Variants in ENOX2 observed in about 807,000 individuals in gnomAD.
The protein encoded by ENOX2 is ecto-NOX disulfide-thiol exchanger 2, also known as APK1 antigen.
In ENOX2, 36 loss-of-function variants were observed where a neutral mutation model predicts 45.0. The observed-to-expected ratio is 0.80, with a 90% CI of 0.61 to 1.06. ENOX2 has a LOEUF of 1.06. Ranked by LOEUF, ENOX2 falls within the 50% of genes least tolerant of loss-of-function variation. The pLI is 0.00. For synonymous variants in ENOX2, 174 were observed against 152.3 expected (o/e 1.14, Z -1.05); for missense variants, 423 against 462.5 (o/e 0.91, Z 0.78).
rs184974547 is a variant in ENOX2, at chrX:130,659,819, G to A, written c.1015-3124C>T. On this transcript the variant is annotated intron_variant, in intron 9 of 14. Transcript: ENST00000394363. ...TGTTCCTTCTAGGGAAATGTCCCAG[G>A]GCAGGAATATCTGAGAGCTAAGACA... 5.4e-4 allele frequency among the ~76,000 whole-genome samples: 61 copies of A among 111,949 alleles called. No individual in the cohort carries two copies. In the East Asian group the frequency reaches 0.016, roughly 29 times the overall value.
At chrX:130,695,771 T>G (rs1278069392) in intron 4 of ENOX2, among the ~76,000 whole-genome samples, 1 of 112,128 alleles carries the variant, frequency 8.9e-6, no homozygotes, top group Non-Finnish European at 1.9e-5. Context: ...GCCTGTGTAC[T>G]GGGAAATTTT....
intron 4 of ENOX2, among the ~76,000 whole-genome samples, chrX:130,702,111 A>G (rs1218334950): frequency 3.6e-5 from 4 of 111,772 alleles, no homozygotes; most frequent in Non-Finnish European, 7.5e-5. Flanking sequence ...ATTATAACTT[A>G]TAAGGATTTA....
At chrX:130,901,030 T>A (rs1374442342) in intron 2 of ENOX2, among the ~76,000 whole-genome samples, 2 of 112,688 alleles carry the variant, frequency 1.8e-5, no homozygotes, top group Non-Finnish European at 3.7e-5. Flanking sequence ...ATAAAGAGAA[T>A]CATCTAATTC....
At chrX:130,745,832 T>C (rs1254143512) in intron 3 of ENOX2, among the ~76,000 whole-genome samples, 1 of 112,156 alleles carries the variant, frequency 8.9e-6, no homozygotes, top group African/African-American at 3.2e-5. Context: ...GATAGTCGTC[T>C]TTTTGATGAA....
chrX:130,731,794 A>T (rs1346160016), intron 3 of ENOX2, among the ~76,000 whole-genome samples: 2 of 112,117 alleles, frequency 1.8e-5, no homozygotes, highest in Non-Finnish European at 3.8e-5. Flanking sequence ...ATCTGATAAA[A>T]TTCAACACCC....
At chrX:130,663,473 A>G (rs10126329) in intron 9 of ENOX2, among the ~76,000 whole-genome samples, 5,731 of 105,064 alleles carry the variant, frequency 0.055, 402 homozygotes, top group African/African-American at 0.19. Context: ...GGAAGTTGCA[A>G]TGAGCTGAGA....
intron 2 of ENOX2, among the ~76,000 whole-genome samples, chrX:130,802,601 G>A (rs2077236783): frequency 9.0e-6 from 1 of 111,719 alleles, no homozygotes; most frequent in South Asian, 3.8e-4. Flanking sequence ...ACGCTAAAGT[G>A]ACTTGTTTAA....
At chrX:130,630,964 A>AAAACAAAC (rs76578446) in intron 13 of ENOX2, among the ~76,000 whole-genome samples, 7,583 of 99,824 alleles carry the variant, frequency 0.076, 299 homozygotes, top group African/African-American at 0.13. Flanking sequence ...TCTGGAGGTT[A>AAAACAAAC]AAACAAACAA....
chrX:130,697,765 T>A (rs1233030822), intron 4 of ENOX2, among the ~76,000 whole-genome samples: 1 of 112,180 alleles, frequency 8.9e-6, no homozygotes, highest in African/African-American at 3.2e-5. Context: ...ATAGTTTCCA[T>A]GGGGAGTCTT....
chrX:130,628,131 T>C (rs1352625343), intron 13 of ENOX2, 88 bp from the exon 14 acceptor site: 1 of 597,713 alleles, frequency 1.7e-6, no homozygotes, highest in Admixed American at 2.3e-5. Flanking sequence ...CTGACTCATA[T>C]GTACAACAGA....
chrX:130,884,202 T>C (rs945732868), intron 2 of ENOX2, among the ~76,000 whole-genome samples: 1 of 112,376 alleles, frequency 8.9e-6, no homozygotes, highest in Non-Finnish European at 1.9e-5. Flanking sequence ...CATCCTCCTT[T>C]CTTTTTTGCC....
chrX:130,873,882 G>A (rs1170572302), intron 2 of ENOX2, among the ~76,000 whole-genome samples: 2 of 108,317 alleles, frequency 1.8e-5, no homozygotes, highest in African/African-American at 3.4e-5. Flanking sequence ...CATCACACAC[G>A]GGGGCCTGTC....
intron 2 of ENOX2, among the ~76,000 whole-genome samples, chrX:130,799,154 A>G (rs1479762701): frequency 9.0e-6 from 1 of 111,622 alleles, no homozygotes; most frequent in Non-Finnish European, 1.9e-5. Context: ...ATCAGCTGCT[A>G]GTGCACCTAG....
intron 9 of ENOX2, among the ~76,000 whole-genome samples, chrX:130,657,047 T>C (rs1184666689): frequency 2.7e-5 from 3 of 111,770 alleles, no homozygotes; most frequent in African/African-American, 9.8e-5. Flanking sequence ...CCTCCCCACG[T>C]TGGACCCTTT....
At chrX:130,672,518 C>A in intron 6 of ENOX2, among the ~76,000 whole-genome samples, 1 of 112,786 alleles carries the variant, frequency 8.9e-6, no homozygotes. Flanking sequence ...GCCCAAGCAG[C>A]CGGCACCCCC....
chrX:130,750,377 T>A (rs780509009), intron 3 of ENOX2, among the ~76,000 whole-genome samples: 1 of 111,661 alleles, frequency 9.0e-6, no homozygotes, highest in Non-Finnish European at 1.9e-5. Flanking sequence ...TCTGTCTGTC[T>A]GTACTCTGGT....
chrX:130,745,403 G>A (rs1253461257), intron 3 of ENOX2, among the ~76,000 whole-genome samples: 2 of 111,095 alleles, frequency 1.8e-5, no homozygotes, highest in African/African-American at 6.6e-5. Flanking sequence ...TCCAATATCC[G>A]GATTCATATG....
chrX:130,849,971 C>G (rs1198357473), intron 2 of ENOX2, among the ~76,000 whole-genome samples: 1 of 111,782 alleles, frequency 8.9e-6, no homozygotes, highest in Non-Finnish European at 1.9e-5. Flanking sequence ...TTACATGCAT[C>G]TATACAGATG....
chrX:130,840,531 A>G (rs950508869), intron 2 of ENOX2, among the ~76,000 whole-genome samples: 3 of 104,424 alleles, frequency 2.9e-5, no homozygotes, highest in African/African-American at 1.1e-4. Context: ...AAAAATAAAT[A>G]AATAAATAAA....
Sources: allele counts gnomAD v4.1 joint callset (sites outside exome capture counted in the v4.1 genomes callset), GRCh38; gene constraint gnomAD v4.1.1; transcripts MANE v1.5; gene names NCBI Gene and HGNC (gene_info 2026-07-23, HGNC 2026-07-21).